The following CRIPTO3 variants were observed in gnomAD, a reference collection of about 807,000 sequenced individuals.
CRIPTO3 encodes the protein protein CRIPTO3.
chrX:110,521,324 G>C, the CRIPTO3 span: 2 of 1,208,786 alleles, frequency 1.7e-6, no homozygotes, highest in East Asian at 5.9e-5. Context: ...GGTCTTCCCA[G>C]CGTGTGCTGC....
At chrX:110,521,344 T>A in the CRIPTO3 span, 2 of 1,209,360 alleles carry the variant, frequency 1.7e-6, no homozygotes, top group South Asian at 3.5e-5. Context: ...CCCATGGGAA[T>A]ACAGCACAGT....
At chrX:110,520,998 C>A in the CRIPTO3 span, 115 of 625,636 alleles carry the variant, frequency 1.8e-4, no homozygotes, top group Non-Finnish European at 2.4e-4. Context: ...TTCTGGGGAA[C>A]GCGAATTTCT....
chrX:110,521,450 G>C, the CRIPTO3 span: 4 of 1,210,237 alleles, frequency 3.3e-6, no homozygotes, highest in African/African-American at 1.7e-5. Context: ...GGAACTGTGA[G>C]CACGATGTGC....
At chrX:110,521,839 C>G in the CRIPTO3 span, 1 of 544,518 alleles carries the variant, frequency 1.8e-6, no homozygotes, top group Non-Finnish European at 3.1e-6. Context: ...CCAAAACGGT[C>G]TCTAACATTT....
chrX:110,521,219 G>T, the CRIPTO3 span: 5 of 1,148,404 alleles, frequency 4.4e-6, no homozygotes, highest in Non-Finnish European at 4.8e-6. Flanking sequence ...TAGTTGCCGG[G>T]CTGGGCCATC....
At chrX:110,521,722 A>G in the CRIPTO3 span, 1 of 1,120,989 alleles carries the variant, frequency 8.9e-7, no homozygotes, top group South Asian at 1.8e-5. Context: ...TTCCAGAAAT[A>G]CAATTTTAGA....
At chrX:110,521,371 C>CT in the CRIPTO3 span, 1 of 1,211,517 alleles carries the variant, frequency 8.3e-7, no homozygotes, top group South Asian at 1.8e-5. Flanking sequence ...CTAAACAGAA[C>CT]CTGCTGCCTG....
chrX:110,521,214 G>A, the CRIPTO3 span: 2 of 1,134,220 alleles, frequency 1.8e-6, no homozygotes, highest in Non-Finnish European at 2.4e-6. Flanking sequence ...GGGATTAGTT[G>A]CCGGGCTGGG....
chrX:110,521,001 G>A, the CRIPTO3 span: 5 of 651,097 alleles, frequency 7.7e-6, no homozygotes, highest in African/African-American at 6.4e-5. Context: ...TGGGGAACGC[G>A]AATTTCTCAT....
the CRIPTO3 span, chrX:110,521,995 AC>A: frequency 2.4e-6 from 1 of 425,304 alleles, no homozygotes; most frequent in East Asian, 3.8e-5. Flanking sequence ...TCACTCTGTC[AC>A]CCAGGCTGGA....
chrX:110,521,711 T>G, the CRIPTO3 span: 4 of 1,151,649 alleles, frequency 3.5e-6, no homozygotes, highest in Non-Finnish European at 3.6e-6. Flanking sequence ...CATTGACCTA[T>G]TTCCAGAAAT....
chrX:110,521,454 G>T, the CRIPTO3 span: 1 of 1,211,470 alleles, frequency 8.3e-7, no homozygotes, highest in Non-Finnish European at 1.1e-6. Context: ...CTGTGAGCAC[G>T]ATGTGCGCAA....
the CRIPTO3 span, chrX:110,522,156 C>A: frequency 1.9e-5 from 5 of 262,192 alleles, no homozygotes; most frequent in East Asian, 2.0e-4. Context: ...ACGGGGGTTT[C>A]ACCATATTGG....
At chrX:110,521,388 G>A in the CRIPTO3 span, 3 of 1,210,166 alleles carry the variant, frequency 2.5e-6, no homozygotes, top group African/African-American at 1.7e-5. Flanking sequence ...CCTGAATGGG[G>A]GAACCTGCAT....
chrX:110,521,598 C>T, the CRIPTO3 span: 2 of 1,211,887 alleles, frequency 1.7e-6, no homozygotes, highest in Admixed American at 2.2e-5. Context: ...GATGGATGAG[C>T]ACCTCGTGGC....
chrX:110,521,532 C>T, the CRIPTO3 span: 10 of 1,210,184 alleles, frequency 8.3e-6, no homozygotes, highest in African/African-American at 1.7e-4. Context: ...TAAATGCTGG[C>T]ACGGTCAGCT....
chrX:110,522,760 A>C, the CRIPTO3 span: 1 of 111,671 alleles, frequency 9.0e-6, no homozygotes, highest in African/African-American at 3.2e-5. Flanking sequence ...CCTCCAAGCT[A>C]TTCAATTCTT....
chrX:110,522,126 T>G, the CRIPTO3 span: 1 of 302,783 alleles, frequency 3.3e-6, no homozygotes, highest in African/African-American at 2.7e-5. Flanking sequence ...CGGCTAATTT[T>G]TTTTGTATTT....
At chrX:110,522,323 T>G in the CRIPTO3 span, 1 of 117,838 alleles carries the variant, frequency 8.5e-6, no homozygotes, top group East Asian at 2.6e-4. Context: ...ATGATTGAAT[T>G]ACATCTTCAG....
Sources: gnomAD v4.1 joint callset for allele counts on GRCh38, gnomAD v4.1.1 for gene constraint, MANE v1.5 for transcripts, NCBI Gene and HGNC (gene_info 2026-07-23, HGNC 2026-07-21) for gene names.